Variants in NCOA2 observed in about 807,000 individuals in gnomAD.
The protein encoded by NCOA2 is nuclear receptor coactivator 2.
In NCOA2, 21 loss-of-function variants were observed where a neutral mutation model predicts 145.1. The observed-to-expected ratio is 0.14, with a 90% CI of 0.10 to 0.21. NCOA2 has a LOEUF of 0.21. Ranked by LOEUF, NCOA2 falls within the 10% of genes least tolerant of loss-of-function variation. The pLI is 1.00. For synonymous variants in NCOA2, 619 were observed against 637.5 expected, an observed-to-expected ratio of 0.97 and a Z score of 0.44; for missense variants, 1,472 against 1,837.6, an observed-to-expected ratio of 0.80 and a Z score of 3.64.
chr8:70,149,797 T>C (rs1465362794), intron 11 of NCOA2, among the ~76,000 whole-genome samples: 1 of 152,214 alleles, frequency 6.6e-6, no homozygotes, highest in Non-Finnish European at 1.5e-5. Context: ...ATTTTCTTGA[T>C]GTGTAAGTGG....
chr8:70,304,431 A>G (rs896316571), intron 1 of NCOA2, among the ~76,000 whole-genome samples: 7 of 152,094 alleles, frequency 4.6e-5, no homozygotes, highest in Non-Finnish European at 1.0e-4. Context: ...TAATGAGGCA[A>G]TACTCAGAAT....
intron 1 of NCOA2, among the ~76,000 whole-genome samples, chr8:70,321,498 G>A (rs1038395232): frequency 6.6e-6 from 1 of 151,784 alleles, no homozygotes; most frequent in Admixed American, 6.6e-5. Context: ...TAACCCATAA[G>A]TATGTAATTA....
the NCOA2 span, among the ~76,000 whole-genome samples, chr8:70,429,534 T>C: frequency 4.6e-5 from 7 of 152,236 alleles, no homozygotes; most frequent in African/African-American, 1.7e-4. Context: ...TTAGAGTCAC[T>C]TTGTACACAT....
At chr8:70,198,711 T>A (rs1161587322) in intron 4 of NCOA2, among the ~76,000 whole-genome samples, 1 of 151,650 alleles carries the variant, frequency 6.6e-6, no homozygotes, top group Non-Finnish European at 1.5e-5. Context: ...AAGGAAGAGG[T>A]AAAAGAGAAG....
At chr8:70,307,614 C>T (rs1017733479) in intron 1 of NCOA2, among the ~76,000 whole-genome samples, 1 of 152,148 alleles carries the variant, frequency 6.6e-6, no homozygotes, top group African/African-American at 2.4e-5. Context: ...TGCTTACATT[C>T]GTGTTAAAGA....
chr8:70,311,038 T>C (rs1805072214), intron 1 of NCOA2, among the ~76,000 whole-genome samples: 1 of 152,102 alleles, frequency 6.6e-6, no homozygotes. Context: ...TAGTATGTCT[T>C]AAAATCATTA....
At chr8:70,188,185 C>T (rs554591077) in intron 4 of NCOA2, among the ~76,000 whole-genome samples, 1 of 152,292 alleles carries the variant, frequency 6.6e-6, no homozygotes, top group Admixed American at 6.5e-5. Context: ...ATGTAATTCA[C>T]CTGCTTCTCA....
intron 11 of NCOA2, among the ~76,000 whole-genome samples, chr8:70,151,902 T>C (rs1811795877): frequency 6.6e-6 from 1 of 152,054 alleles, no homozygotes; most frequent in South Asian, 2.1e-4. Context: ...TTTTTTTTTT[T>C]CTGTATTCAT....
At chr8:70,346,786 A>C (rs1470838540) in intron 1 of NCOA2, among the ~76,000 whole-genome samples, 1 of 152,240 alleles carries the variant, frequency 6.6e-6, no homozygotes, top group Admixed American at 6.5e-5. Flanking sequence ...AGAGAAACCT[A>C]ACTTTTGTAA....
chr8:70,425,552 C>T, the NCOA2 span, among the ~76,000 whole-genome samples: 1 of 152,158 alleles, frequency 6.6e-6, no homozygotes, highest in Non-Finnish European at 1.5e-5. Flanking sequence ...GCCTCAATGG[C>T]AACAATTATT....
rs142723523 is a variant in NCOA2 at position 70,176,486 on chromosome 8, T to A, written c.260-1627A>T. On this transcript the variant is annotated intron_variant, in intron 4 of 22. Coordinates refer to ENST00000452400, the MANE Select transcript of NCOA2 (RefSeq NM_006540.4). Reference sequence around the variant, plus strand: ...GTCTGCAGGCTTGGTCTCATTCCAATTCCTCAGCCGGTCCCTTCTGAGGCG... The same window carrying A: ...GTCTGCAGGCTTGGTCTCATTCCAAATCCTCAGCCGGTCCCTTCTGAGGCG... 6.3e-4 allele frequency among the ~76,000 whole-genome samples: 96 copies of A among 152,238 alleles called. 2 individuals are homozygous for A. The highest frequency in any genetic ancestry group is 4.3e-3 in the South Asian group (21 of 4,828).
At chr8:70,425,484 C>T in the NCOA2 span, among the ~76,000 whole-genome samples, 1 of 152,002 alleles carries the variant, frequency 6.6e-6, no homozygotes, top group Non-Finnish European at 1.5e-5. Context: ...CTCCTCACAT[C>T]CTGTTCCCTG....
the NCOA2 span, among the ~76,000 whole-genome samples, chr8:70,414,837 A>C: frequency 6.6e-6 from 1 of 152,344 alleles, no homozygotes; most frequent in Non-Finnish European, 1.5e-5. Flanking sequence ...AAGCCTTTTG[A>C]CACAACTAAT....
chr8:70,143,775 C>T (rs1036612548), intron 13 of NCOA2, among the ~76,000 whole-genome samples: 3 of 152,212 alleles, frequency 2.0e-5, no homozygotes, highest in Non-Finnish European at 2.9e-5. Context: ...AGTTAAAACA[C>T]CTACCACTAT....
chr8:70,201,651 A>G (rs78765236), intron 4 of NCOA2, among the ~76,000 whole-genome samples: 6,977 of 152,324 alleles, frequency 0.046, 266 homozygotes, highest in East Asian at 0.16. Flanking sequence ...AGCAGCAGTA[A>G]TAAGAGGAGG....
At chr8:70,381,208 T>C (rs1812164808) in intron 1 of NCOA2, among the ~76,000 whole-genome samples, 2 of 152,156 alleles carry the variant, frequency 1.3e-5, no homozygotes, top group African/African-American at 2.4e-5. Flanking sequence ...AACTTTTCCA[T>C]AGTAATTTTT....
At chr8:70,288,023 C>T (rs897782093) in intron 2 of NCOA2, among the ~76,000 whole-genome samples, 2 of 152,188 alleles carry the variant, frequency 1.3e-5, no homozygotes, top group Admixed American at 6.5e-5. Flanking sequence ...TGGCCTCTAA[C>T]TGGCTAATTA....
At chr8:70,399,713 G>A (rs1247245642) in intron 1 of NCOA2, among the ~76,000 whole-genome samples, 1 of 152,174 alleles carries the variant, frequency 6.6e-6, no homozygotes, top group African/African-American at 2.4e-5. Context: ...ACACAATAAT[G>A]GCCAAAATAT....
intron 2 of NCOA2, among the ~76,000 whole-genome samples, chr8:70,241,451 G>T (rs138005539): frequency 1.3e-5 from 2 of 152,126 alleles, no homozygotes; most frequent in East Asian, 3.9e-4. Context: ...AATGCGGACC[G>T]AATACTCTTT....
Sources: allele counts gnomAD v4.1 joint callset (sites outside exome capture counted in the v4.1 genomes callset), GRCh38; gene constraint gnomAD v4.1.1; transcripts MANE v1.5; gene names NCBI Gene and HGNC (gene_info 2026-07-23, HGNC 2026-07-21).